Variants in UHRF2 observed in about 807,000 individuals in gnomAD.
UHRF2 encodes ubiquitin like with PHD and ring finger domains 2.
In UHRF2, 23 loss-of-function variants were observed where a neutral mutation model predicts 96.8. The observed-to-expected ratio is 0.24, with a 90% CI of 0.17 to 0.34. The LOEUF (loss-of-function observed/expected upper bound fraction) is 0.34. UHRF2 is among the 10% of genes least tolerant of loss of function. The probability of loss-of-function intolerance (pLI) is 1.00; values close to 1 mark genes in which losing one functional copy is unlikely to be tolerated. For missense variants in UHRF2, 685 were observed against 981.5 expected (o/e 0.70, Z 4.04); for synonymous variants, 385 against 332.6 (o/e 1.16, Z -1.72).
chr9:6,472,268 A>G (rs1309024702), intron 4 of UHRF2, among the ~76,000 whole-genome samples: 1 of 152,132 alleles, frequency 6.6e-6, no homozygotes, highest in African/African-American at 2.4e-5. Flanking sequence ...GTGAAGTTAG[A>G]CCCTTTAAAG....
chr9:6,418,613 A>G (rs948301297), intron 1 of UHRF2, among the ~76,000 whole-genome samples: 5 of 152,300 alleles, frequency 3.3e-5, no homozygotes, highest in African/African-American at 9.6e-5. Flanking sequence ...AGAGTTGTGA[A>G]TGTTGAAAAG....
chr9:6,483,297 C>T (rs1281624714), intron 8 of UHRF2, among the ~76,000 whole-genome samples: 4 of 147,192 alleles, frequency 2.7e-5, no homozygotes, highest in Admixed American at 6.8e-5. Flanking sequence ...TGCACTCCAG[C>T]CTGGGTGACA....
intron 3 of UHRF2, among the ~76,000 whole-genome samples, chr9:6,437,772 C>T (rs1265184056): frequency 6.6e-6 from 1 of 152,100 alleles, no homozygotes; most frequent in African/African-American, 2.4e-5. Context: ...CATGCACCAC[C>T]ACACCTGGCT....
chr9:6,499,343 G>A (rs981431632), intron 12 of UHRF2: 1 of 146,298 alleles, frequency 6.8e-6, no homozygotes, highest in Non-Finnish European at 1.5e-5. Context: ...GGAGGATTTA[G>A]TAATTTAGTT....
chr9:6,414,419 C>G (rs1398857405), intron 1 of UHRF2, among the ~76,000 whole-genome samples: 1 of 152,220 alleles, frequency 6.6e-6, no homozygotes, highest in Non-Finnish European at 1.5e-5. Flanking sequence ...GTCGTTCACG[C>G]TTTAAGCATA....
At chr9:6,494,318 G>A (rs547915247) in intron 10 of UHRF2, 1 of 175,980 alleles carries the variant, frequency 5.7e-6, no homozygotes, top group Non-Finnish European at 1.2e-5. Flanking sequence ...TTATGTTTGG[G>A]AGCCACATTT....
intron 4 of UHRF2, among the ~76,000 whole-genome samples, chr9:6,471,352 T>A (rs1353470477): frequency 6.6e-6 from 1 of 152,252 alleles, no homozygotes; most frequent in Non-Finnish European, 1.5e-5. Flanking sequence ...ATAGCAGCTA[T>A]GGTAGCCATC....
At chr9:6,464,445 C>G (rs1184646359) in intron 4 of UHRF2, among the ~76,000 whole-genome samples, 1 of 152,056 alleles carries the variant, frequency 6.6e-6, no homozygotes. Flanking sequence ...TTGAGGTTAT[C>G]AAAGTTCAAG....
rs1464028743 is a variant in UHRF2 at position 6,504,621 on chromosome 9, T to A, written c.2192T>A (p.Phe731Tyr). 1.9e-6 allele frequency: 3 copies of A among 1,613,698 alleles called. No homozygotes were observed. In the African/African-American group the frequency reaches 4.0e-5, roughly 22 times the overall value. The change falls in exon 15 of 16, where the codon TTT becomes TAT. Residue 731 changes from phenylalanine to tyrosine, a missense_variant. Coordinates refer to ENST00000276893, the MANE Select transcript of UHRF2 (RefSeq NM_152896.3). ...TTTCTGAAAAAATTGGAACAATCTT[T>A]TATGTGCGTTTGCTGTCAGGAGCTA... The part of the protein sequence containing the change: ...PNFLKKLEQS[F>Y]MCVCCQELVY...
In UHRF2 at chr9:6,497,305, G is replaced by A. The variant is rs1825024141; in HGVS notation, c.1712G>A (p.Arg571Lys). 1 of 1,614,006 alleles carries A rather than the reference G, an allele frequency of 6.2e-7. No homozygotes were observed. The highest frequency in any genetic ancestry group is 1.3e-5 in the African/African-American group (1 of 75,014). Reference protein sequence around the residue: ...PVRVIRSFKGRKISKYAPEEG... With the variant: ...PVRVIRSFKGKKISKYAPEEG... The stretch of plus-strand genomic sequence containing the variant: ...AGAGTGATACGCAGTTTTAAAGGGA[G>A]GAAGATCAGCAAATATGCTCCTGAA... Residue 571 changes from arginine to lysine, a missense_variant, in exon 11 of 16, where the codon AGG becomes AAG. This residue lies in a region of UHRF2 where 73 missense variants were observed against 283.7 expected (regional missense o/e 0.26). Coordinates refer to ENST00000276893, the MANE Select transcript of UHRF2 (RefSeq NM_152896.3).
At chr9:6,440,229 A>G (rs1470228474) in intron 3 of UHRF2, among the ~76,000 whole-genome samples, 1 of 152,134 alleles carries the variant, frequency 6.6e-6, no homozygotes, top group African/African-American at 2.4e-5. Flanking sequence ...AGTGTTTTTA[A>G]TAATATCTGT....
intron 4 of UHRF2, chr9:6,468,293 G>A (rs1822999633): frequency 5.5e-6 from 2 of 362,722 alleles, no homozygotes; most frequent in Non-Finnish European, 1.1e-5. Flanking sequence ...CTTTGGCCTT[G>A]AATTTGTGAC....
At chr9:6,464,890 A>T (rs1822766857) in intron 4 of UHRF2, among the ~76,000 whole-genome samples, 1 of 152,118 alleles carries the variant, frequency 6.6e-6, no homozygotes, top group African/African-American at 2.4e-5. Flanking sequence ...TTTTGCAGTC[A>T]TCTTTTCTCT....
At chr9:6,488,031 A>AGGAGTTC (rs1482002909) in intron 9 of UHRF2, among the ~76,000 whole-genome samples, 1 of 151,902 alleles carries the variant, frequency 6.6e-6, no homozygotes, top group Non-Finnish European at 1.5e-5. Flanking sequence ...TCTTGAGCTC[A>AGGAGTTC]GGAGTTCAAG....
intron 9 of UHRF2, among the ~76,000 whole-genome samples, chr9:6,487,615 C>T (rs1403880972): frequency 6.6e-6 from 1 of 152,232 alleles, no homozygotes; most frequent in Non-Finnish European, 1.5e-5. Context: ...GATCCTCCCG[C>T]CTTGGCCTCC....
intron 2 of UHRF2, among the ~76,000 whole-genome samples, chr9:6,428,324 C>G (rs568957700): frequency 6.6e-6 from 1 of 152,070 alleles, no homozygotes; most frequent in Non-Finnish European, 1.5e-5. Flanking sequence ...CAGGAACTTA[C>G]CAGGTGCCTC....
rs547228369 is a variant in UHRF2 at position 6,421,879 on chromosome 9, A to G, written c.384+737A>G. On this transcript the variant is annotated intron_variant, in intron 2 of 15. Coordinates refer to ENST00000276893, the MANE Select transcript of UHRF2 (RefSeq NM_152896.3). ...TATGTTTTGTCTGTATTTGAATTTT[A>G]TATAATGGAATTCTACTTTTTCTCA... Among the ~76,000 whole-genome samples, 5 of 152,268 alleles carry G rather than the reference A, an allele frequency of 3.3e-5. No individual in the cohort carries two copies. In the East Asian group the frequency reaches 9.6e-4, roughly 29 times the overall value.
intron 4 of UHRF2, among the ~76,000 whole-genome samples, chr9:6,465,709 A>G (rs1230563262): frequency 6.6e-6 from 1 of 152,222 alleles, no homozygotes; most frequent in South Asian, 2.1e-4. Context: ...ACAAAGAACT[A>G]ACCTTCAGCT....
chr9:6,471,387 C>T (rs1251597832), intron 4 of UHRF2, among the ~76,000 whole-genome samples: 1 of 152,186 alleles, frequency 6.6e-6, no homozygotes, highest in African/African-American at 2.4e-5. Context: ...CCAGTGATTC[C>T]TGCTTACTAA....
Sources: gnomAD v4.1 joint callset for allele counts (sites outside exome capture counted in the v4.1 genomes callset) on GRCh38, gnomAD v4.1.1 for gene constraint, gnomAD v4.1.1 regional missense constraint, MANE v1.5 for transcripts, NCBI Gene and HGNC (gene_info 2026-07-23, HGNC 2026-07-21) for gene names.